Variants in GRIN2A observed in about 807,000 individuals in gnomAD.
GRIN2A encodes the protein glutamate receptor ionotropic, NMDA 2A.
Under a neutral mutation model 113.4 loss-of-function variants are expected in GRIN2A, and 22 were observed. That is an observed-to-expected ratio of 0.19 (90% CI 0.14 to 0.28). The LOEUF is 0.28. Among genes scored for constraint, GRIN2A ranks in the 10% least tolerant of loss-of-function variants. GRIN2A has a pLI of 1.00. For missense variants in GRIN2A, 1,502 were observed against 1,887.0 expected, an observed-to-expected ratio of 0.80 and a Z score of 3.78; for synonymous variants, 827 against 738.4, an observed-to-expected ratio of 1.12 and a Z score of -1.94.
chr16:9,935,245 G>T (rs2044686096), intron 3 of GRIN2A, among the ~76,000 whole-genome samples: 1 of 152,132 alleles, frequency 6.6e-6, no homozygotes, highest in Admixed American at 6.5e-5. Flanking sequence ...TGATGGAAGT[G>T]AGAATTCATT....
intron 5 of GRIN2A, among the ~76,000 whole-genome samples, chr16:9,841,963 G>C (rs2042687656): frequency 6.6e-6 from 1 of 152,164 alleles, no homozygotes; most frequent in African/African-American, 2.4e-5. Context: ...CCTTTAAAAA[G>C]AAAGGAGGCC....
chr16:9,886,714 A>G (rs62034945), intron 4 of GRIN2A, among the ~76,000 whole-genome samples: 2,889 of 152,320 alleles, frequency 0.019, 35 homozygotes, highest in Middle Eastern at 0.061. Flanking sequence ...AAATGAATAG[A>G]CGAACCATGA....
intron 2 of GRIN2A, among the ~76,000 whole-genome samples, chr16:9,978,634 G>A (rs1411145350): frequency 1.3e-5 from 2 of 151,962 alleles, no homozygotes; most frequent in African/African-American, 4.8e-5. Context: ...CCATGACCTG[G>A]CTCAAGTTCA....
chr16:9,807,662 C>T (rs1403599508), intron 10 of GRIN2A, among the ~76,000 whole-genome samples: 4 of 152,122 alleles, frequency 2.6e-5, no homozygotes, highest in African/African-American at 9.7e-5. Context: ...CAGATGAGGA[C>T]ACTGAGGCCC....
At chr16:9,959,608 T>C (rs2045389541) in intron 2 of GRIN2A, among the ~76,000 whole-genome samples, 1 of 152,246 alleles carries the variant, frequency 6.6e-6, no homozygotes, top group Admixed American at 6.5e-5. Context: ...GGCTTTCCAC[T>C]GTGCTAAAGC....
chr16:9,799,139 G>C (rs1383193678), intron 10 of GRIN2A, among the ~76,000 whole-genome samples: 1 of 152,198 alleles, frequency 6.6e-6, no homozygotes, highest in Non-Finnish European at 1.5e-5. Context: ...AATAGTTGAG[G>C]CTTTGTAGGA....
chr16:9,844,907 C>T (rs571079108), intron 5 of GRIN2A, among the ~76,000 whole-genome samples: 39 of 152,244 alleles, frequency 2.6e-4, no homozygotes, highest in Non-Finnish European at 4.1e-4. Context: ...AGCTCATTTC[C>T]GGTTACCTGG....
At chr16:9,926,196 C>T (rs1296350612) in intron 3 of GRIN2A, among the ~76,000 whole-genome samples, 6 of 152,172 alleles carry the variant, frequency 3.9e-5, no homozygotes, top group African/African-American at 1.4e-4. Flanking sequence ...CTCAAATTCT[C>T]ACCTGTAAGT....
chr16:10,026,329 A>T (rs1277760981), intron 2 of GRIN2A, among the ~76,000 whole-genome samples: 6 of 152,142 alleles, frequency 3.9e-5, no homozygotes, highest in African/African-American at 1.4e-4. Context: ...TTATTGTGAA[A>T]AATAAAATAA....
chr16:9,890,895 G>A (rs2043680269), intron 4 of GRIN2A, 91 bp downstream of exon 4: 1 of 833,484 alleles, frequency 1.2e-6, no homozygotes, highest in South Asian at 1.3e-5. Context: ...CAGCTCAACA[G>A]GAAATGCGTG....
At chr16:10,002,475 C>T (rs537648886) in intron 2 of GRIN2A, among the ~76,000 whole-genome samples, 14 of 152,242 alleles carry the variant, frequency 9.2e-5, no homozygotes, top group South Asian at 4.2e-4. Context: ...GCTGAATGAC[C>T]GGTTTCACGG....
Position 9,764,236 on chromosome 16 carries a change from C to T in GRIN2A, c.3308G>A (p.Arg1103His), listed in dbSNP as rs1064796904. The T allele has an allele frequency of 9.3e-6, 15 of 1,613,574 alleles. No homozygotes were observed. The highest frequency in any genetic ancestry group is 1.6e-4 in the Middle Eastern group (1 of 6,062). Residue 1103 changes from arginine (R) to histidine (H), a missense_variant, in exon 13 of 13, where the codon CGC becomes CAC. Physicochemically the swap from Arg to His is conservative, Grantham distance 29. Around this residue, in one of 7 missense-constraint regions of GRIN2A, gnomAD observed 832 missense variants for 789.7 expected, o/e 1.05. Coordinates refer to ENST00000330684, the MANE Select transcript of GRIN2A (RefSeq NM_001134407.3). The part of the protein sequence containing the change: ...KYPKDCSEVE[R>H]TYLKTKSSSP... ...GCTTGATTTGGTTTTCAGGTAGGTGCGCTCGACCTCACTACAGTCCTTGGG... is the reference window on the plus strand; with the variant it reads ...GCTTGATTTGGTTTTCAGGTAGGTGTGCTCGACCTCACTACAGTCCTTGGG...
chr16:9,933,683 A>G (rs1250854121), intron 3 of GRIN2A, among the ~76,000 whole-genome samples: 2 of 152,234 alleles, frequency 1.3e-5, no homozygotes, highest in Non-Finnish European at 2.9e-5. Context: ...AACACAGGCT[A>G]CAGATAGGTC....
intron 3 of GRIN2A, among the ~76,000 whole-genome samples, chr16:9,892,155 C>T (rs1167195709): frequency 1.3e-5 from 2 of 152,026 alleles, no homozygotes; most frequent in Non-Finnish European, 2.9e-5. Flanking sequence ...TGCTTGAACC[C>T]GGGAAGCAGA....
At position 9,763,835 on chromosome 16, in the gene GRIN2A, C is replaced by T. The variant is rs1389208302; in HGVS notation, c.3709G>A (p.Asp1237Asn). 2 of 1,614,078 alleles carry T rather than the reference C, an allele frequency of 1.2e-6. No homozygotes were observed. The highest frequency in any genetic ancestry group is 2.2e-5 in the East Asian group (1 of 44,860). ...AGGTTCCCCATCCGCAGGCAGGCAT[C>T]GCACTTGAAGGGGGACCTCATGGTG... The part of the protein sequence containing the change: ...HFTMRSPFKC[D>N]ACLRMGNLYD... The change falls in exon 13 of 13, where the codon GAT (aspartate) becomes AAT (asparagine). Residue 1237 changes from aspartate to asparagine, a missense_variant. Physicochemically the swap from Asp to Asn is conservative, Grantham distance 23 (BLOSUM62 1). This residue lies in a region of GRIN2A where 832 missense variants were observed against 789.7 expected (regional missense o/e 1.05). Coordinates refer to ENST00000330684, the MANE Select transcript of GRIN2A (RefSeq NM_001134407.3).
At chr16:9,774,718 C>T (rs1901493407) in intron 11 of GRIN2A, among the ~76,000 whole-genome samples, 1 of 152,140 alleles carries the variant, frequency 6.6e-6, no homozygotes, top group Admixed American at 6.5e-5. Context: ...AATGGGAGTA[C>T]ATCAGAATTT....
intron 2 of GRIN2A, among the ~76,000 whole-genome samples, chr16:10,130,393 G>A (rs1410777103): frequency 2.6e-5 from 4 of 152,144 alleles, no homozygotes; most frequent in South Asian, 2.1e-4. Flanking sequence ...TAGAATTTTC[G>A]AGCTGAGCAG....
intron 11 of GRIN2A, among the ~76,000 whole-genome samples, chr16:9,783,084 T>A (rs1278407998): frequency 6.6e-6 from 1 of 152,238 alleles, no homozygotes; most frequent in Non-Finnish European, 1.5e-5. Flanking sequence ...GGCATCAGAA[T>A]GGTTATTAAT....
At chr16:9,953,089 G>T (rs768334283) in intron 2 of GRIN2A, among the ~76,000 whole-genome samples, 3 of 152,190 alleles carry the variant, frequency 2.0e-5, no homozygotes, top group Non-Finnish European at 1.5e-5. Context: ...AGGCAGAAAA[G>T]CAGGCCCAGA....
Sources: gnomAD v4.1 joint callset for allele counts (sites outside exome capture counted in the v4.1 genomes callset) on GRCh38, gnomAD v4.1.1 for gene constraint, gnomAD v4.1.1 regional missense constraint, MANE v1.5 for transcripts, NCBI Gene and HGNC (gene_info 2026-07-23, HGNC 2026-07-21) for gene names.